Variants in ITGB5 observed in about 807,000 individuals in gnomAD.
ITGB5 encodes integrin beta-5.
In ITGB5, 38 loss-of-function variants were observed where a neutral mutation model predicts 84.8. The observed-to-expected ratio is 0.45, with a 90% CI of 0.35 to 0.59. The LOEUF (loss-of-function observed/expected upper bound fraction) is 0.59. ITGB5 is among the 20% of genes least tolerant of loss of function. The pLI is 0.01. For synonymous variants in ITGB5, 393 were observed against 414.4 expected (o/e 0.95, Z 0.63); for missense variants, 905 against 1,034.5 (o/e 0.87, Z 1.72).
In ITGB5 at chr3:124,775,374, C is replaced by G. The variant is rs189991320; in HGVS notation, c.1694-1462G>C. ...GGAGGATGTGTGTGAGTGCGAGCAT[C>G]TGTGTGTGTTGGAGTGTGTGTGTGA... On this transcript the variant is annotated intron_variant, in intron 10 of 14. Transcript: ENST00000296181. Among the ~76,000 whole-genome samples, 3 of 151,352 alleles carry G rather than the reference C, an allele frequency of 2.0e-5. No individual in the cohort carries two copies. In the East Asian group the frequency reaches 5.9e-4, roughly 30 times the overall value.
rs114373052 is a variant in ITGB5, at chr3:124,824,590, A to T, written c.781-3116T>A. Among the ~76,000 whole-genome samples the T allele has an allele frequency of 3.1e-3, 473 of 152,358 alleles. 1 individual carries two copies. The highest frequency in any genetic ancestry group is 0.01 in the African/African-American group (427 of 41,582). ...TTGAAAAATACTGTGGAGAAAATGA[A>T]ATGACAGGGCACAGACTGGGAGAAA... On this transcript the variant is annotated intron_variant, in intron 5 of 14. Transcript: ENST00000296181.
At chr3:124,864,058 GAAAGAAAGAAAGAAAAAA>G (rs2065346454) in intron 2 of ITGB5, among the ~76,000 whole-genome samples, 1 of 123,198 alleles carries the variant, frequency 8.1e-6, no homozygotes, top group Non-Finnish European at 1.7e-5. Context: ...GAAAAAGAAA[GAAAGAAAGAAAGAAAAAA>G]TGTCTCAAGA....
exon 1 of ITGB5, chr3:124,901,386 G>C (rs927760205): frequency 1.3e-5 from 2 of 152,112 alleles, no homozygotes; most frequent in Admixed American, 6.6e-5. Flanking sequence ...GTGAGACTCT[G>C]TCTCGATAAA....
chr3:124,881,397 G>A (rs1934565845), intron 1 of ITGB5, among the ~76,000 whole-genome samples: 1 of 152,164 alleles, frequency 6.6e-6, no homozygotes, highest in South Asian at 2.1e-4. Context: ...TAAGACCAGG[G>A]CTATTAACCA....
At chr3:124,839,767 G>C (rs2064987174) in intron 5 of ITGB5, among the ~76,000 whole-genome samples, 1 of 152,212 alleles carries the variant, frequency 6.6e-6, no homozygotes, top group Admixed American at 6.5e-5. Flanking sequence ...GAAAGGTTCA[G>C]GACTGAATAC....
intron 5 of ITGB5, among the ~76,000 whole-genome samples, chr3:124,830,929 A>C (rs1248889437): frequency 6.6e-6 from 1 of 152,170 alleles, no homozygotes; most frequent in African/African-American, 2.4e-5. Flanking sequence ...GGTTGCAGTG[A>C]GCTGAGATCA....
chr3:124,771,136 T>C (rs1254398568), intron 11 of ITGB5, among the ~76,000 whole-genome samples: 1 of 151,608 alleles, frequency 6.6e-6, no homozygotes, highest in Non-Finnish European at 1.5e-5. Context: ...TAAGTCTGCC[T>C]TTTAAAAAAA....
intron 10 of ITGB5, among the ~76,000 whole-genome samples, chr3:124,774,372 C>T (rs61761672): frequency 0.052 from 7,948 of 152,186 alleles, 462 homozygotes; most frequent in African/African-American, 0.14. Context: ...CACCAAGGTT[C>T]TTCTGAGAGG....
At chr3:124,822,942 G>C (rs2107563179) in intron 5 of ITGB5, among the ~76,000 whole-genome samples, 1 of 151,876 alleles carries the variant, frequency 6.6e-6, no homozygotes, top group South Asian at 2.1e-4. Flanking sequence ...CTTAAACTGA[G>C]CTGGAAAAAA....
At chr3:124,879,880 T>C (rs1934492171) in intron 1 of ITGB5, among the ~76,000 whole-genome samples, 1 of 152,220 alleles carries the variant, frequency 6.6e-6, no homozygotes, top group Non-Finnish European at 1.5e-5. Flanking sequence ...GCACAATTTA[T>C]TTAGAAAAGG....
At chr3:124,765,387 C>G (rs773705952) in intron 13 of ITGB5, among the ~76,000 whole-genome samples, 1 of 152,172 alleles carries the variant, frequency 6.6e-6, no homozygotes, top group Non-Finnish European at 1.5e-5. Context: ...CCCAGTGCTC[C>G]GTTGTCCTTG....
chr3:124,776,881 G>A (rs2063933520), intron 10 of ITGB5, among the ~76,000 whole-genome samples: 1 of 152,208 alleles, frequency 6.6e-6, no homozygotes, highest in South Asian at 2.1e-4. Flanking sequence ...TTTTGCTGAA[G>A]GGCCTGGGCT....
At chr3:124,764,305 T>C in intron 14 of ITGB5, 86 bp downstream of exon 14, 1 of 1,374,562 alleles carries the variant, frequency 7.3e-7, no homozygotes, top group Non-Finnish European at 1.0e-6. Context: ...AAGACATTAG[T>C]GAGCCTCTAT....
intron 7 of ITGB5, among the ~76,000 whole-genome samples, chr3:124,819,012 C>T (rs754653417): frequency 3.9e-5 from 6 of 152,088 alleles, no homozygotes; most frequent in Admixed American, 6.5e-5. Flanking sequence ...ATGAGCACAC[C>T]GAGGAGATCT....
intron 5 of ITGB5, chr3:124,832,772 G>A (rs1038219792): frequency 1.3e-5 from 2 of 152,224 alleles, no homozygotes; most frequent in Admixed American, 6.5e-5. Context: ...TACTCAAGAC[G>A]TTTTCAAATG....
chr3:124,844,263 A>G (rs538660883), intron 4 of ITGB5, among the ~76,000 whole-genome samples: 48 of 151,678 alleles, frequency 3.2e-4, no homozygotes, highest in Admixed American at 2.6e-4. Context: ...GAATGGACTT[A>G]AAAGAATAGG....
rs1025905588 is a variant in ITGB5 at position 124,838,157 on chromosome 3, A to T, written c.780+3226T>A. On this transcript the variant is annotated intron_variant, in intron 5 of 14. Transcript: ENST00000296181. The stretch of plus-strand genomic sequence containing the variant: ...TAATCATTAAAGACGAACAATGAGT[A>T]CATGGGGTTTCATTTCACTATTCTT... 7.3e-4 allele frequency among the ~76,000 whole-genome samples: 111 copies of T among 152,220 alleles called. 1 individual carries two copies. The highest frequency in any genetic ancestry group is 9.7e-4 in the Non-Finnish European group (66 of 68,012).
chr3:124,822,408 G>A (rs533531322), intron 5 of ITGB5, among the ~76,000 whole-genome samples: 45 of 152,312 alleles, frequency 3.0e-4, no homozygotes, highest in African/African-American at 1.1e-3. Flanking sequence ...ACTGAAATAG[G>A]AGACTGGATT....
intron 13 of ITGB5, 57 bp from the exon 14 acceptor site, chr3:124,764,614 C>G: frequency 1.3e-6 from 2 of 1,536,962 alleles, no homozygotes; most frequent in South Asian, 2.4e-5. Flanking sequence ...GCCCCTCTCA[C>G]GCAACTGCAG....
Sources: gnomAD v4.1 joint callset for allele counts (sites outside exome capture counted in the v4.1 genomes callset) on GRCh38, gnomAD v4.1.1 for gene constraint, MANE v1.5 for transcripts, NCBI Gene and HGNC (gene_info 2026-07-23, HGNC 2026-07-21) for gene names.